BCL2: variants seen among roughly 807,000 people sequenced by gnomAD.
BCL2 encodes the protein BCL2 apoptosis regulator.
Under a neutral mutation model 14.2 loss-of-function variants are expected in BCL2, and 1 was observed. The ratio of observed to expected loss-of-function variants is 0.07; its 90% CI spans 0.02 to 0.33. The LOEUF (loss-of-function observed/expected upper bound fraction) is 0.33. BCL2 is among the 10% of genes least tolerant of loss of function. The pLI is 0.99. For missense variants in BCL2, 247 were observed against 305.9 expected, an observed-to-expected ratio of 0.81 and a Z score of 1.44; for synonymous variants, 151 against 137.2, an observed-to-expected ratio of 1.10 and a Z score of -0.70.
chr18:63,188,127 T>A (rs1483627074), intron 2 of BCL2, among the ~76,000 whole-genome samples: 1 of 152,204 alleles, frequency 6.6e-6, no homozygotes, highest in South Asian at 2.1e-4. Flanking sequence ...TAGCAAGCCA[T>A]AACAATCCAA....
intron 2 of BCL2, among the ~76,000 whole-genome samples, chr18:63,221,719 C>G (rs1283885164): frequency 6.6e-6 from 1 of 152,240 alleles, no homozygotes; most frequent in Non-Finnish European, 1.5e-5. Context: ...CTAAAGCACT[C>G]TGCCCACTGC....
intron 2 of BCL2, among the ~76,000 whole-genome samples, chr18:63,212,357 A>G (rs1011050166): frequency 1.3e-5 from 2 of 151,498 alleles, no homozygotes; most frequent in Admixed American, 6.6e-5. Flanking sequence ...AACAACAAAA[A>G]AAACACAAAA....
In BCL2 at chr18:63,312,552, C is replaced by T. The variant is rs561085975; in HGVS notation, c.585+5530G>A. On this transcript the variant is annotated intron_variant, in intron 2 of 2. Transcript: ENST00000333681. ...TCCATTTAAACGAACAGACCACAAG[C>T]CCAAAAAAGTCCGAAGGCAAATGCC... is the stretch of plus-strand genomic sequence containing the variant. 2.0e-5 allele frequency among the ~76,000 whole-genome samples: 3 copies of T among 152,292 alleles called. No homozygotes were observed. The South Asian group carries it at 6.2e-4, about 32-fold the overall frequency.
intron 2 of BCL2, among the ~76,000 whole-genome samples, chr18:63,222,849 G>A (rs1186853632): frequency 6.6e-6 from 1 of 152,216 alleles, no homozygotes; most frequent in African/African-American, 2.4e-5. Context: ...GGCAATCCAT[G>A]ACCCTTTTAC....
chr18:63,146,955 A>G (rs982399282), intron 2 of BCL2, among the ~76,000 whole-genome samples: 1 of 152,242 alleles, frequency 6.6e-6, no homozygotes, highest in Non-Finnish European at 1.5e-5. Context: ...TCATGTCTAC[A>G]ATACCTTTTG....
intron 2 of BCL2, among the ~76,000 whole-genome samples, chr18:63,278,359 G>A (rs1220099736): frequency 2.6e-5 from 4 of 152,140 alleles, no homozygotes; most frequent in African/African-American, 7.2e-5. Context: ...AACTCAGGTC[G>A]GGCTCCCCGG....
chr18:63,306,534 G>A (rs775548534), intron 2 of BCL2, among the ~76,000 whole-genome samples: 1 of 152,188 alleles, frequency 6.6e-6, no homozygotes, highest in African/African-American at 2.4e-5. Flanking sequence ...CCATGTGGCC[G>A]CTTGCCTCTG....
Position 63,145,425 on chromosome 18 carries a change from C to T in BCL2, c.586-16666G>A, listed in dbSNP as rs1251583005. ...GGGGGGGCTTCTCTGGGCCGCTCGC[C>T]CCACTGCCCCGTCACCTGCTTCTTG... On this transcript the variant is annotated intron_variant, in intron 2 of 2. Transcript: ENST00000333681. Among the ~76,000 whole-genome samples the T allele has an allele frequency of 7.2e-5, 11 of 152,204 alleles. No homozygotes were observed. In the South Asian group the frequency reaches 2.3e-3, roughly 31 times the overall value.
intron 2 of BCL2, among the ~76,000 whole-genome samples, chr18:63,238,020 T>C (rs1317425264): frequency 6.6e-6 from 1 of 151,914 alleles, no homozygotes; most frequent in Non-Finnish European, 1.5e-5. Context: ...ATGTGGGTGG[T>C]GACTTTTCTG....
intron 2 of BCL2, among the ~76,000 whole-genome samples, chr18:63,135,623 T>C (rs150577552): frequency 2.6e-5 from 4 of 152,256 alleles, no homozygotes; most frequent in African/African-American, 9.6e-5. Flanking sequence ...CATTTCTGCC[T>C]GTCCTTCCCT....
chr18:63,179,575 G>T (rs73471312), intron 2 of BCL2, among the ~76,000 whole-genome samples: 9,088 of 152,244 alleles, frequency 0.06, 591 homozygotes, highest in African/African-American at 0.17. Context: ...TTGGTTCCCA[G>T]AAAGCCCTAT....
chr18:63,212,744 C>T lies in BCL2; in HGVS notation c.586-83985G>A, dbSNP rs1309906086. ...ATAAAAAATTAGCCAGTCACAGTGG[C>T]ACATGCCTGTAGTCCCAGTTACTCA... On this transcript the variant is annotated intron_variant, in intron 2 of 2. Transcript: ENST00000333681. Among the ~76,000 whole-genome samples the T allele has an allele frequency of 5.3e-5, 8 of 152,158 alleles. No homozygotes were observed. The South Asian group carries it at 6.2e-4, about 12-fold the overall frequency.
At chr18:63,193,192 A>T (rs923437653) in intron 2 of BCL2, among the ~76,000 whole-genome samples, 4 of 152,226 alleles carry the variant, frequency 2.6e-5, no homozygotes, top group Admixed American at 2.6e-4. Context: ...TGTAGTGATT[A>T]CTGCTATTCA....
At chr18:63,156,704 C>T (rs145824703) in intron 2 of BCL2, among the ~76,000 whole-genome samples, 7 of 152,274 alleles carry the variant, frequency 4.6e-5, no homozygotes, top group South Asian at 2.1e-4. Context: ...CAAGTCCAGA[C>T]GTTGTGGGTT....
intron 2 of BCL2, among the ~76,000 whole-genome samples, chr18:63,249,488 C>A (rs1434668601): frequency 6.6e-6 from 1 of 152,136 alleles, no homozygotes; most frequent in Non-Finnish European, 1.5e-5. Context: ...GGGTGGATCA[C>A]TTGAGGTCAG....
chr18:63,220,239 C>T (rs112676275), intron 2 of BCL2, among the ~76,000 whole-genome samples: 1,721 of 152,272 alleles, frequency 0.011, 37 homozygotes, highest in African/African-American at 0.039. Context: ...ATAGTTCTGA[C>T]GAGCTCAAGG....
intron 2 of BCL2, among the ~76,000 whole-genome samples, chr18:63,261,835 A>C (rs1391258630): frequency 6.7e-6 from 1 of 150,138 alleles, no homozygotes; most frequent in Non-Finnish European, 1.5e-5. Flanking sequence ...TCTGGAGTGC[A>C]GTGGCATGAT....
At chr18:63,262,686 A>G (rs1911696403) in intron 2 of BCL2, among the ~76,000 whole-genome samples, 1 of 152,126 alleles carries the variant, frequency 6.6e-6, no homozygotes, top group East Asian at 1.9e-4. Flanking sequence ...ATTCAACAGG[A>G]AAGTCCCACG....
chr18:63,255,520 G>A (rs202109312), intron 2 of BCL2, among the ~76,000 whole-genome samples: 1 of 152,182 alleles, frequency 6.6e-6, no homozygotes, highest in South Asian at 2.1e-4. Context: ...GCCTAGAGTG[G>A]AATCTTAAAG....
Sources: allele counts gnomAD v4.1 joint callset (sites outside exome capture counted in the v4.1 genomes callset), GRCh38; gene constraint gnomAD v4.1.1; transcripts MANE v1.5; gene names NCBI Gene and HGNC (gene_info 2026-07-23, HGNC 2026-07-21).